Variants in HDAC9 observed in about 807,000 individuals in gnomAD.
HDAC9 encodes the protein histone deacetylase 9.
A neutral mutation model predicts 139.4 loss-of-function variants in HDAC9; 41 were observed. That is an observed-to-expected ratio of 0.29 (90% CI 0.23 to 0.38). The LOEUF (loss-of-function observed/expected upper bound fraction) is 0.38. Ranked by LOEUF, HDAC9 falls within the 10% of genes least tolerant of loss-of-function variation. The pLI is 1.00. For synonymous variants in HDAC9, 517 were observed against 476.2 expected, an observed-to-expected ratio of 1.09 and a Z score of -1.12; for missense variants, 1,147 against 1,297.0, an observed-to-expected ratio of 0.88 and a Z score of 1.78.
upstream of HDAC9, among the ~76,000 whole-genome samples, chr7:18,492,273 G>T (rs1277664196): frequency 6.6e-6 from 1 of 151,916 alleles, no homozygotes; most frequent in East Asian, 1.9e-4. Flanking sequence ...TGGCATGTGG[G>T]ATTGTGTCTT....
At chr7:18,525,052 T>G (rs1806380534) in intron 2 of HDAC9, among the ~76,000 whole-genome samples, 1 of 152,132 alleles carries the variant, frequency 6.6e-6, no homozygotes, top group African/African-American at 2.4e-5. Flanking sequence ...TGGATTTAAT[T>G]TTTTTAGTAT....
At chr7:18,624,249 A>C (rs1244878371) in intron 6 of HDAC9, among the ~76,000 whole-genome samples, 1 of 152,162 alleles carries the variant, frequency 6.6e-6, no homozygotes, top group Non-Finnish European at 1.5e-5. Context: ...GGAGACTAGT[A>C]TGAGAATGAA....
chr7:18,414,724 T>C (rs1038008585), intron 1 of HDAC9, among the ~76,000 whole-genome samples: 2 of 152,196 alleles, frequency 1.3e-5, no homozygotes, highest in Non-Finnish European at 2.9e-5. Context: ...AACATTGTAA[T>C]GGTAGGCACA....
chr7:18,301,472 T>G (rs939574552), intron 1 of HDAC9, among the ~76,000 whole-genome samples: 1 of 152,152 alleles, frequency 6.6e-6, no homozygotes, highest in Non-Finnish European at 1.5e-5. Context: ...TAATCCTCTG[T>G]TTTATTCCAG....
chr7:18,172,696 A>G (rs1440168005), intron 2 of HDAC9, among the ~76,000 whole-genome samples: 1 of 152,178 alleles, frequency 6.6e-6, no homozygotes, highest in East Asian at 1.9e-4. Flanking sequence ...TTCTGCCTTC[A>G]TTTTGTTATT....
At position 18,411,655 on chromosome 7, in the gene HDAC9, G is replaced by A. The variant is rs531491271; in HGVS notation, c.-41-84607G>A. Among the ~76,000 whole-genome samples the A allele has an allele frequency of 1.2e-4, 19 of 152,234 alleles. No individual in the cohort carries two copies. In the South Asian group the frequency reaches 3.9e-3, roughly 32 times the overall value. On this transcript the variant is annotated intron_variant, in intron 1 of 3. Coordinates refer to the HDAC9 transcript ENST00000413509. ...CTCCCAAAGTGCTGGGATTACAGGC[G>A]TAAGCCACTGTGCCCAGCTAGCTTT...
chr7:18,863,053 G>A (rs906193578), intron 21 of HDAC9, among the ~76,000 whole-genome samples: 1 of 152,094 alleles, frequency 6.6e-6, no homozygotes, highest in African/African-American at 2.4e-5. Context: ...GGAGAGATTT[G>A]GAACCAGCTG....
rs887535717 is a variant in HDAC9, at chr7:18,221,259, C to T, written c.25+58910C>T. On this transcript the variant is annotated intron_variant, in intron 2 of 12. Transcript: ENST00000417496. ...TAGCCGAGATTACAGGGGCCCGCCG[C>T]CATGCCTGGCTAATTGTGTATTTTT... 2.6e-5 allele frequency among the ~76,000 whole-genome samples: 4 copies of T among 152,066 alleles called. No individual in the cohort carries two copies. The South Asian group carries it at 8.3e-4, about 32-fold the overall frequency.
chr7:18,670,808 T>G (rs1418883484), intron 12 of HDAC9, among the ~76,000 whole-genome samples: 1 of 152,022 alleles, frequency 6.6e-6, no homozygotes, highest in Non-Finnish European at 1.5e-5. Flanking sequence ...CAAACTGTCT[T>G]GATCAATAAT....
At chr7:18,749,363 G>A (rs1353154275) in intron 14 of HDAC9, among the ~76,000 whole-genome samples, 1 of 152,188 alleles carries the variant, frequency 6.6e-6, no homozygotes, top group Non-Finnish European at 1.5e-5. Context: ...CCTGATGTGT[G>A]TGTTCCAATG....
intron 12 of HDAC9, among the ~76,000 whole-genome samples, chr7:18,711,488 C>T (rs908898036): frequency 1.2e-4 from 18 of 152,300 alleles, no homozygotes; most frequent in African/African-American, 4.1e-4. Flanking sequence ...ACACCATAAT[C>T]AGTGTCTCTC....
chr7:18,316,633 CAAAAA>C (rs10641889), intron 1 of HDAC9, among the ~76,000 whole-genome samples: 14 of 100,318 alleles, frequency 1.4e-4, no homozygotes, highest in Non-Finnish European at 2.2e-4. Flanking sequence ...CAGATCTCTC[CAAAAA>C]AAAAAAAAAA....
chr7:18,496,040 A>G lies in HDAC9; in HGVS notation c.-42+17A>G, dbSNP rs1796847135. On this transcript the variant is annotated intron_variant, in intron 1 of 25. Coordinates refer to ENST00000686413, the MANE Select transcript of HDAC9 (RefSeq NM_178425.4). ...TGCACACAGGTTGGTAACATGGGAA[A>G]AGTGTCCAGGTCTTTTTAAAAGTGG... 5 of 1,434,318 alleles carry G rather than the reference A, an allele frequency of 3.5e-6. No homozygotes were observed. Among genetic ancestry groups the G allele is most frequent in the South Asian group, 1.5e-5 (1 of 66,478 alleles). 88.8% of individuals were successfully genotyped at this position (1,434,318 alleles called of 1,614,324 possible).
chr7:18,229,608 A>C (rs796609953), intron 2 of HDAC9, among the ~76,000 whole-genome samples: 1 of 152,212 alleles, frequency 6.6e-6, no homozygotes, highest in Non-Finnish European at 1.5e-5. Flanking sequence ...TCAACTATGC[A>C]CAAAAATTGG....
At chr7:18,390,342 A>T (rs1363661501) in intron 1 of HDAC9, among the ~76,000 whole-genome samples, 2 of 152,130 alleles carry the variant, frequency 1.3e-5, no homozygotes, top group Non-Finnish European at 2.9e-5. Flanking sequence ...TAGGTTTTTC[A>T]GAATTATGGC....
At chr7:18,503,025 T>G (rs1413556775) in intron 2 of HDAC9, among the ~76,000 whole-genome samples, 2 of 152,162 alleles carry the variant, frequency 1.3e-5, no homozygotes, top group Non-Finnish European at 1.5e-5. Context: ...TCATGAACAA[T>G]TTTTACAATA....
At chr7:18,542,002 G>T (rs890054894) in intron 2 of HDAC9, among the ~76,000 whole-genome samples, 1 of 151,970 alleles carries the variant, frequency 6.6e-6, no homozygotes, top group African/African-American at 2.4e-5. Context: ...TTTGTTGTGG[G>T]GTGCCATCCT....
intron 2 of HDAC9, among the ~76,000 whole-genome samples, chr7:18,563,841 T>TC (rs2128717202): frequency 6.6e-6 from 1 of 150,554 alleles, no homozygotes; most frequent in Admixed American, 6.6e-5. Flanking sequence ...TTTGCTGCTT[T>TC]TTTTTTTTTT....
chr7:18,452,847 C>T (rs1179033661), intron 1 of HDAC9, among the ~76,000 whole-genome samples: 2 of 152,134 alleles, frequency 1.3e-5, no homozygotes, highest in Non-Finnish European at 2.9e-5. Context: ...AACTGTGACT[C>T]CTTTAAACCT....
Sources: allele counts gnomAD v4.1 joint callset (sites outside exome capture counted in the v4.1 genomes callset), GRCh38; gene constraint gnomAD v4.1.1; transcripts MANE v1.5; gene names NCBI Gene and HGNC (gene_info 2026-07-23, HGNC 2026-07-21).